Variants in ELAPOR2 observed in about 807,000 individuals in gnomAD.
ELAPOR2 encodes the protein endosome-lysosome associated apoptosis and autophagy regulator family member 2, also known as endosome/lysosome-associated apoptosis and autophagy regulator family member 2.
Under a neutral mutation model 120.7 loss-of-function variants are expected in ELAPOR2, and 89 were observed. The observed-to-expected ratio is 0.74, with a 90% CI of 0.62 to 0.88. The LOEUF (loss-of-function observed/expected upper bound fraction) is 0.88. Ranked by LOEUF, ELAPOR2 falls within the 40% of genes least tolerant of loss-of-function variation. The probability of loss-of-function intolerance (pLI) is 0.00; values close to 1 mark genes in which losing one functional copy is unlikely to be tolerated. For synonymous variants in ELAPOR2, 444 were observed against 444.9 expected (o/e 1.00, Z 0.03); for missense variants, 1,134 against 1,251.6 (o/e 0.91, Z 1.42).
intron 1 of ELAPOR2, among the ~76,000 whole-genome samples, chr7:86,991,509 C>T (rs1475559888): frequency 1.3e-5 from 2 of 152,118 alleles, no homozygotes; most frequent in Admixed American, 1.3e-4. Flanking sequence ...TTACAGTCTT[C>T]TACTTTCAAA....
rs1302509632 is a variant in ELAPOR2, at chr7:86,880,517, T to C, written c.3044A>G (p.His1015Arg). 4 of 1,604,582 alleles carry C rather than the reference T, an allele frequency of 2.5e-6. No individual in the cohort carries two copies. The highest frequency in any genetic ancestry group is 2.6e-6 in the Non-Finnish European group (3 of 1,171,996). Residue 1015 changes from histidine to arginine, a missense_variant, in exon 22 of 22, where the codon CAT becomes CGT. His to Arg is a conservative substitution (Grantham distance 29). Transcript: ENST00000450689. Reference sequence around the variant, plus strand: ...GGTTTTCAGTTGAACAGATTCAAAATGGTCTTCTTTTTCCTAAGAAAAAAT... The same window carrying C: ...GGTTTTCAGTTGAACAGATTCAAAACGGTCTTCTTTTTCCTAAGAAAAAAT... ...KSLATKEKED[H>R]FESVQLKTSR...
At chr7:87,028,754 G>T (rs1360430758) in intron 1 of ELAPOR2, among the ~76,000 whole-genome samples, 1 of 151,952 alleles carries the variant, frequency 6.6e-6, no homozygotes, top group Admixed American at 6.6e-5. Flanking sequence ...AAGCCTCTAA[G>T]GCCTTCATCT....
chr7:86,931,010 G>A (rs549732447), intron 8 of ELAPOR2, among the ~76,000 whole-genome samples: 2 of 151,846 alleles, frequency 1.3e-5, no homozygotes, highest in Non-Finnish European at 2.9e-5. Flanking sequence ...CTACTATAAC[G>A]TAAAAACTGA....
intron 4 of ELAPOR2, among the ~76,000 whole-genome samples, chr7:86,943,161 A>C (rs78621498): frequency 0.032 from 4,807 of 152,056 alleles, 99 homozygotes; most frequent in Non-Finnish European, 0.049. Context: ...TTAATGGTCA[A>C]CGTGTAGATA....
rs79274208 is a variant in ELAPOR2 at position 87,004,746 on chromosome 7, T to A, written c.190-39722A>T. Among the ~76,000 whole-genome samples, 1,274 of 152,272 alleles carry A rather than the reference T, an allele frequency of 8.4e-3. 21 individuals are homozygous for A. Among genetic ancestry groups the A allele is most frequent in the African/African-American group, 0.03 (1,226 of 41,546 alleles). On this transcript the variant is annotated intron_variant, in intron 1 of 21. Transcript: ENST00000450689. ...AATTACAGACAGTGCATTCTCATCA[T>A]GAAGGCCATCGGACATATTAACGGA...
chr7:87,045,496 A>G (rs1344213017), intron 1 of ELAPOR2, among the ~76,000 whole-genome samples: 1 of 151,140 alleles, frequency 6.6e-6, no homozygotes, highest in Non-Finnish European at 1.5e-5. Context: ...TTCTCAGTAA[A>G]CTATCGCAAG....
intron 21 of ELAPOR2, among the ~76,000 whole-genome samples, chr7:86,883,476 A>T (rs1264993921): frequency 2.0e-5 from 3 of 152,238 alleles, no homozygotes; most frequent in African/African-American, 7.2e-5. Flanking sequence ...ATTCATTGTC[A>T]AACACTGGAA....
At chr7:86,936,905 C>G (rs1442484914) in intron 8 of ELAPOR2, among the ~76,000 whole-genome samples, 1 of 152,036 alleles carries the variant, frequency 6.6e-6, no homozygotes, top group Non-Finnish European at 1.5e-5. Flanking sequence ...TCCTTTAACC[C>G]TCAGTAACGA....
In ELAPOR2 at chr7:87,027,222, T is replaced by C. The variant is rs537783623; in HGVS notation, c.189+32103A>G. Among the ~76,000 whole-genome samples, 6 of 152,256 alleles carry C rather than the reference T, an allele frequency of 3.9e-5. No homozygotes were observed. The East Asian group carries it at 1.2e-3, about 29-fold the overall frequency. ...TAGTTTCCTTCTACTAGCTTGCTGG[T>C]TCTACTGTTTTAAACATGAAATTAA... On this transcript the variant is annotated intron_variant, in intron 1 of 21. Transcript: ENST00000450689.
intron 1 of ELAPOR2, among the ~76,000 whole-genome samples, chr7:87,040,445 T>C (rs1794744704): frequency 6.6e-6 from 1 of 152,178 alleles, no homozygotes; most frequent in South Asian, 2.1e-4. Context: ...GACTGCCTCC[T>C]CAAGTGGGTC....
At position 86,893,018 on chromosome 7, in the gene ELAPOR2, G is replaced by T; in HGVS notation, c.2768C>A (p.Thr923Lys). The change falls in exon 20 of 22, where the codon ACG (threonine) becomes AAG (lysine). Residue 923 changes from threonine to lysine, a missense_variant. Transcript: ENST00000450689. ...LPEKKLATCE[T>K]VDFWLKVGAG... is the part of the protein sequence containing the mutation. ...TCCCACCTTCAGCCAAAAGTCAACC[G>T]TTTCACAGGTTGCCAACTTTTTCTC... is the stretch of plus-strand genomic sequence containing the variant. 6.3e-7 allele frequency: 1 copy of T among 1,584,548 alleles called. No individual in the cohort carries two copies. The highest frequency in any genetic ancestry group is 8.5e-7 in the Non-Finnish European group (1 of 1,169,624).
At chr7:86,942,160 A>T in intron 4 of ELAPOR2, 56 bp from the exon 5 acceptor site, 1 of 1,008,690 alleles carries the variant, frequency 9.9e-7, no homozygotes, top group Admixed American at 2.0e-5. Flanking sequence ...GCTTTAATTA[A>T]ATTCTGTACC....
chr7:86,958,433 T>C (rs919846900), intron 2 of ELAPOR2, among the ~76,000 whole-genome samples: 6 of 152,210 alleles, frequency 3.9e-5, no homozygotes, highest in Non-Finnish European at 8.8e-5. Flanking sequence ...TATTGTATAA[T>C]TATTATTCCA....
intron 18 of ELAPOR2, among the ~76,000 whole-genome samples, chr7:86,901,608 G>A (rs1202418861): frequency 1.3e-5 from 2 of 152,170 alleles, no homozygotes; most frequent in East Asian, 3.8e-4. Flanking sequence ...TTGTCAATAT[G>A]TTTCTGATCC....
intron 4 of ELAPOR2, among the ~76,000 whole-genome samples, chr7:86,943,004 A>G (rs780386896): frequency 1.3e-5 from 2 of 152,050 alleles, no homozygotes; most frequent in Non-Finnish European, 2.9e-5. Context: ...TATAGACCCT[A>G]TTGCCATCCA....
intron 1 of ELAPOR2, among the ~76,000 whole-genome samples, chr7:87,013,551 CA>C (rs1044620135): frequency 2.6e-5 from 4 of 152,032 alleles, no homozygotes; most frequent in African/African-American, 9.7e-5. Flanking sequence ...TGAGAAGTAC[CA>C]GCAGGGATGG....
At chr7:86,903,170 A>T (rs1788798277) in intron 18 of ELAPOR2, among the ~76,000 whole-genome samples, 1 of 152,130 alleles carries the variant, frequency 6.6e-6, no homozygotes, top group Admixed American at 6.6e-5. Context: ...CTCAAAATTG[A>T]TCTGAAAATT....
intron 19 of ELAPOR2, 101 bp from the exon 20 acceptor site, chr7:86,893,201 G>C (rs1788264816): frequency 1.1e-6 from 1 of 924,758 alleles, no homozygotes; most frequent in Non-Finnish European, 1.6e-6. Flanking sequence ...TTACATAAAA[G>C]AAGAAAGGGT....
chr7:86,992,104 A>G (rs1792962015), intron 1 of ELAPOR2, among the ~76,000 whole-genome samples: 1 of 152,178 alleles, frequency 6.6e-6, no homozygotes, highest in Admixed American at 6.5e-5. Flanking sequence ...AGGGAAGTAA[A>G]CTGCTGCTAC....
Sources: gnomAD v4.1 joint callset for allele counts (sites outside exome capture counted in the v4.1 genomes callset) on GRCh38, gnomAD v4.1.1 for gene constraint, MANE v1.5 for transcripts, NCBI Gene and HGNC (gene_info 2026-07-23, HGNC 2026-07-21) for gene names.